Variants in FHOD3 observed in about 807,000 individuals in gnomAD.
FHOD3 encodes the protein FH1/FH2 domain-containing protein 3.
FHOD3 carries 90 observed loss-of-function variants against 173.0 expected under a neutral mutation model. The ratio of observed to expected loss-of-function variants is 0.52; its 90% CI spans 0.44 to 0.62. FHOD3 has a LOEUF of 0.62. Among genes scored for constraint, FHOD3 ranks in the 20% least tolerant of loss-of-function variants. The pLI is 0.00. For synonymous variants in FHOD3, 828 were observed against 823.0 expected, an observed-to-expected ratio of 1.01 and a Z score of -0.10; for missense variants, 1,945 against 2,034.7, an observed-to-expected ratio of 0.96 and a Z score of 0.85.
chr18:36,716,299 C>T (rs1273117303), intron 18 of FHOD3, among the ~76,000 whole-genome samples: 2 of 152,144 alleles, frequency 1.3e-5, no homozygotes, highest in Middle Eastern at 3.2e-3. Context: ...AGAAAAGCAG[C>T]TGGATTCTGG....
In FHOD3 at chr18:36,484,986, G is replaced by A. The variant is rs573829723; in HGVS notation, c.338-16946G>A. On this transcript the variant is annotated intron_variant, in intron 3 of 28. Coordinates refer to ENST00000590592, the MANE Select transcript of FHOD3 (RefSeq NM_001281740.3). ...AGATTGTGGCCCACACAGAGGGTGTGGTCGAGCCAACTTCATTCCCGGTGA... is the reference window on the plus strand; with the variant it reads ...AGATTGTGGCCCACACAGAGGGTGTAGTCGAGCCAACTTCATTCCCGGTGA... 8.5e-4 allele frequency among the ~76,000 whole-genome samples: 130 copies of A among 152,264 alleles called. No individual in the cohort carries two copies. The South Asian group carries it at 0.025, about 29-fold the overall frequency.
At chr18:36,651,088 T>C (rs2036017777) in intron 11 of FHOD3, among the ~76,000 whole-genome samples, 1 of 152,184 alleles carries the variant, frequency 6.6e-6, no homozygotes, top group Non-Finnish European at 1.5e-5. Context: ...CTTCCTTCTG[T>C]TGGGTTGGTG....
intron 19 of FHOD3, among the ~76,000 whole-genome samples, chr18:36,725,166 C>T (rs1364861504): frequency 6.6e-6 from 1 of 152,202 alleles, no homozygotes; most frequent in Non-Finnish European, 1.5e-5. Context: ...TCCATCATCA[C>T]TTCCTCCCTG....
chr18:36,363,602 G>C (rs1379457101), intron 2 of FHOD3, among the ~76,000 whole-genome samples: 2 of 152,182 alleles, frequency 1.3e-5, no homozygotes, highest in East Asian at 3.9e-4. Context: ...AAGCTATGGA[G>C]ACAGTGAAAA....
At chr18:36,743,953 A>G (rs2042029413) in intron 22 of FHOD3, 79 bp from the exon 23 acceptor site, 1 of 1,513,688 alleles carries the variant, frequency 6.6e-7, no homozygotes, top group Admixed American at 1.8e-5. Context: ...GACTGCAGCC[A>G]AGAATTGATC....
intron 1 of FHOD3, among the ~76,000 whole-genome samples, chr18:36,326,546 T>C (rs773222703): frequency 3.3e-5 from 5 of 152,126 alleles, no homozygotes; most frequent in Admixed American, 6.5e-5. Flanking sequence ...GGCGGGAGGA[T>C]CTCTTAAGCC....
At chr18:36,741,284 G>A (rs1234163589) in intron 21 of FHOD3, among the ~76,000 whole-genome samples, 1 of 152,182 alleles carries the variant, frequency 6.6e-6, no homozygotes, top group Non-Finnish European at 1.5e-5. Flanking sequence ...GAAGGAAATG[G>A]GCCTTAATGG....
At chr18:36,586,424 C>T (rs189088447) in intron 6 of FHOD3, among the ~76,000 whole-genome samples, 108 of 152,232 alleles carry the variant, frequency 7.1e-4, no homozygotes, top group Admixed American at 9.8e-4. Context: ...GATGCTCCTT[C>T]GGGCAATATC....
At chr18:36,747,250 A>G (rs2150115877) in intron 24 of FHOD3, 115 bp downstream of exon 24, 1 of 737,278 alleles carries the variant, frequency 1.4e-6, no homozygotes, top group Non-Finnish European at 2.1e-6. Context: ...TTCTTGGTAC[A>G]TAGCAAGTAC....
At chr18:36,547,567 A>G (rs62082358) in intron 5 of FHOD3, among the ~76,000 whole-genome samples, 1 of 151,938 alleles carries the variant, frequency 6.6e-6, no homozygotes, top group Non-Finnish European at 1.5e-5. Context: ...CACCGTGCCC[A>G]GCTGTAACCA....
Position 36,653,428 on chromosome 18 carries a change from T to C in FHOD3, c.1721+12T>C. ...TTCTCTTCTAATAGGTGGGTGTCTT[T>C]ATTTTCTTTCCCTTTTCTGTAGCTT... is the stretch of plus-strand genomic sequence containing the variant. On this transcript the variant is annotated intron_variant, in intron 13 of 28. Transcript: ENST00000590592. 6.6e-7 allele frequency: 1 copy of C among 1,513,072 alleles called. No homozygotes were observed. 93.7% of individuals were successfully genotyped at this position (1,513,072 alleles called of 1,614,324 possible).
intron 2 of FHOD3, among the ~76,000 whole-genome samples, chr18:36,367,270 A>C (rs866526523): frequency 2.8e-4 from 42 of 152,252 alleles, no homozygotes; most frequent in African/African-American, 8.9e-4. Flanking sequence ...TGAGTTGCTT[A>C]TCTATTTTAG....
At position 36,779,451 on chromosome 18, in the gene FHOD3, G is replaced by A. The variant is rs201185019; in HGVS notation, c.4790G>A (p.Arg1597Gln). Residue 1597 changes from arginine (R) to glutamine (Q), a missense_variant, in exon 29 of 29, where the codon CGA (arginine) becomes CAA (glutamine). By Grantham distance (43) the Arg-to-Gln change is conservative. Coordinates refer to ENST00000590592, the MANE Select transcript of FHOD3 (RefSeq NM_001281740.3). ...GTGACCTGCACCACCACTGCAGTGC[G>A]AAGAACCCTGAAGAGCGGCCTGACC... Reference protein sequence around the residue: ...KRSRANRKSLRRTLKSGLTPE... With the variant: ...KRSRANRKSLQRTLKSGLTPE... The A allele has an allele frequency of 1.2e-5, 20 of 1,614,098 alleles. No individual in the cohort carries two copies. The highest frequency in any genetic ancestry group is 8.3e-5 in the Admixed American group (5 of 60,032).
At chr18:36,650,447 G>A (rs575132331) in intron 11 of FHOD3, among the ~76,000 whole-genome samples, 1 of 152,166 alleles carries the variant, frequency 6.6e-6, no homozygotes, top group African/African-American at 2.4e-5. Flanking sequence ...ATTTGGAAAT[G>A]ACTGAGAAGA....
chr18:36,404,300 C>A (rs1295347340), intron 3 of FHOD3, among the ~76,000 whole-genome samples: 1 of 152,186 alleles, frequency 6.6e-6, no homozygotes, highest in Non-Finnish European at 1.5e-5. Context: ...TGGTTCATAT[C>A]CAGACCTGGC....
At chr18:36,692,847 AG>A (rs2039044732) in intron 16 of FHOD3, 2 of 243,624 alleles carry the variant, frequency 8.2e-6, no homozygotes, top group Non-Finnish European at 1.6e-5. Flanking sequence ...GTGAGCTCCG[AG>A]GGGGTTTGGT....
intron 8 of FHOD3, 56 bp downstream of exon 8, chr18:36,602,824 C>T: frequency 7.6e-7 from 1 of 1,318,428 alleles, no homozygotes; most frequent in Non-Finnish European, 1.1e-6. Context: ...ATGTTAAAGC[C>T]CTGACCCCTG....
chr18:36,540,911 G>A (rs2057184613), intron 5 of FHOD3, among the ~76,000 whole-genome samples: 1 of 152,164 alleles, frequency 6.6e-6, no homozygotes, highest in Non-Finnish European at 1.5e-5. Context: ...GTTTGGTTCT[G>A]TTTTGTTTCT....
chr18:36,686,473 C>A (rs1281164157), intron 15 of FHOD3, among the ~76,000 whole-genome samples: 2 of 150,250 alleles, frequency 1.3e-5, no homozygotes, highest in Non-Finnish European at 3.0e-5. Context: ...GAACAACACA[C>A]ACTGGGGCCT....
Sources: allele counts gnomAD v4.1 joint callset (sites outside exome capture counted in the v4.1 genomes callset), GRCh38; gene constraint gnomAD v4.1.1; transcripts MANE v1.5; gene names NCBI Gene and HGNC (gene_info 2026-07-23, HGNC 2026-07-21).